Variants in MPPED2 observed in about 807,000 individuals in gnomAD.
MPPED2 encodes the protein metallophosphoesterase domain containing 2, also known as metallophosphoesterase MPPED2.
In MPPED2, 5 loss-of-function variants were observed where a neutral mutation model predicts 33.0. That is an observed-to-expected ratio of 0.15 (90% CI 0.08 to 0.32). The LOEUF is 0.32. MPPED2 is among the 10% of genes least tolerant of loss of function. MPPED2 has a pLI of 1.00. For synonymous variants in MPPED2, 136 were observed against 141.9 expected (o/e 0.96, Z 0.29); for missense variants, 275 against 372.1 (o/e 0.74, Z 2.15).
chr11:30,537,825 T>C (rs1954894422), intron 2 of MPPED2, among the ~76,000 whole-genome samples: 1 of 152,210 alleles, frequency 6.6e-6, no homozygotes, highest in Admixed American at 6.5e-5. Flanking sequence ...GAAAATTCAC[T>C]AATCCACTGT....
intron 2 of MPPED2, among the ~76,000 whole-genome samples, chr11:30,577,236 C>CTAATTGAA (rs1956970371): frequency 6.6e-6 from 1 of 152,082 alleles, no homozygotes; most frequent in African/African-American, 2.4e-5. Context: ...TGAGCTGAGA[C>CTAATTGAA]TAATTGAATT....
At chr11:30,460,344 G>T (rs1033116660) in intron 4 of MPPED2, among the ~76,000 whole-genome samples, 1 of 152,164 alleles carries the variant, frequency 6.6e-6, no homozygotes, top group South Asian at 2.1e-4. Context: ...ATCAGGCTGG[G>T]CGTGGTAGCT....
At chr11:30,484,478 G>A (rs1452554763) in intron 4 of MPPED2, among the ~76,000 whole-genome samples, 1 of 151,900 alleles carries the variant, frequency 6.6e-6, no homozygotes, top group Non-Finnish European at 1.5e-5. Context: ...GCAGCTCTTT[G>A]CAGAATGCAT....
chr11:30,573,633 C>T (rs911256186), intron 2 of MPPED2, among the ~76,000 whole-genome samples: 1 of 152,088 alleles, frequency 6.6e-6, no homozygotes. Context: ...TAGGCCTAGG[C>T]TAATGTGTGT....
At chr11:30,583,867 G>A (rs1957311617) in intron 1 of MPPED2, among the ~76,000 whole-genome samples, 1 of 152,158 alleles carries the variant, frequency 6.6e-6, no homozygotes, top group Non-Finnish European at 1.5e-5. Context: ...TCCAGACCGA[G>A]CCTGGCGGGA....
chr11:30,420,273 G>T (rs1948553754), intron 4 of MPPED2, among the ~76,000 whole-genome samples: 1 of 152,144 alleles, frequency 6.6e-6, no homozygotes, highest in Admixed American at 6.6e-5. Flanking sequence ...TGCTATTGAT[G>T]GCTTTGAACA....
Position 30,552,737 on chromosome 11 carries a change from C to A in MPPED2, c.129-16562G>T, listed in dbSNP as rs531391508. Among the ~76,000 whole-genome samples, 4 of 152,292 alleles carry A rather than the reference C, an allele frequency of 2.6e-5. No individual in the cohort carries two copies. The East Asian group carries it at 5.8e-4, about 22-fold the overall frequency. On this transcript the variant is annotated intron_variant, in intron 2 of 6. Coordinates refer to ENST00000358117, the MANE Select transcript of MPPED2 (RefSeq NM_001584.3). ...GTTAGTTTTGTCACAATTTTCTTAA[C>A]CATTTCCCTTTGCTATACCCCCCAA...
intron 4 of MPPED2, among the ~76,000 whole-genome samples, chr11:30,488,615 T>C (rs1951840283): frequency 6.6e-6 from 1 of 152,196 alleles, no homozygotes. Context: ...TCGGTTTTGC[T>C]TTCTCCTTTT....
chr11:30,512,875 C>T (rs1387451400), intron 3 of MPPED2, among the ~76,000 whole-genome samples: 12 of 152,030 alleles, frequency 7.9e-5, no homozygotes, highest in Admixed American at 7.9e-4. Flanking sequence ...GTGGTGTACA[C>T]CTGTGATCGC....
intron 2 of MPPED2, among the ~76,000 whole-genome samples, chr11:30,558,791 G>A (rs1345124691): frequency 6.8e-6 from 1 of 147,650 alleles, no homozygotes; most frequent in African/African-American, 2.5e-5. Context: ...TTTTTTTCTG[G>A]CTTGGGAATA....
intron 6 of MPPED2, among the ~76,000 whole-genome samples, chr11:30,397,687 C>CAGT (rs1565032308): frequency 6.6e-6 from 1 of 152,136 alleles, no homozygotes; most frequent in Admixed American, 6.5e-5. Flanking sequence ...CCTGTAAGAT[C>CAGT]AGTACACTTA....
At chr11:30,454,243 C>T (rs1008707128) in intron 4 of MPPED2, among the ~76,000 whole-genome samples, 2 of 152,158 alleles carry the variant, frequency 1.3e-5, no homozygotes, top group African/African-American at 2.4e-5. Context: ...AAATCTAAGC[C>T]TCATTTAACT....
At chr11:30,427,693 G>T (rs1948900423) in intron 4 of MPPED2, among the ~76,000 whole-genome samples, 1 of 152,170 alleles carries the variant, frequency 6.6e-6, no homozygotes, top group African/African-American at 2.4e-5. Context: ...TCGTGTATCA[G>T]TATGAATTCA....
intron 3 of MPPED2, among the ~76,000 whole-genome samples, chr11:30,506,748 T>C (rs1201311988): frequency 1.3e-5 from 2 of 152,238 alleles, no homozygotes; most frequent in African/African-American, 2.4e-5. Flanking sequence ...TTTAAATTCC[T>C]CCCCTCCTTA....
intron 4 of MPPED2, among the ~76,000 whole-genome samples, chr11:30,461,972 A>G (rs1950531654): frequency 6.6e-6 from 1 of 152,214 alleles, no homozygotes; most frequent in South Asian, 2.1e-4. Context: ...TGATCAACTT[A>G]TCAATTGTAA....
intron 3 of MPPED2, among the ~76,000 whole-genome samples, chr11:30,507,161 C>T (rs1240532298): frequency 6.6e-6 from 1 of 152,186 alleles, no homozygotes; most frequent in Non-Finnish European, 1.5e-5. Context: ...AAAACCAAAT[C>T]ATGGGTTCCA....
intron 3 of MPPED2, among the ~76,000 whole-genome samples, chr11:30,498,413 T>C (rs1870359): frequency 0.033 from 5,075 of 151,966 alleles, 286 homozygotes; most frequent in African/African-American, 0.12. Flanking sequence ...GATAAAACCC[T>C]ATCTCTACTA....
chr11:30,509,213 A>C (rs1376635506), intron 3 of MPPED2, among the ~76,000 whole-genome samples: 1 of 152,204 alleles, frequency 6.6e-6, no homozygotes, highest in Non-Finnish European at 1.5e-5. Context: ...AAAGAGGGCA[A>C]AGAAGTTGGC....
chr11:30,548,246 C>G (rs1044272633), intron 2 of MPPED2, among the ~76,000 whole-genome samples: 4 of 151,338 alleles, frequency 2.6e-5, no homozygotes, highest in Non-Finnish European at 5.9e-5. Flanking sequence ...GACGGGGTCT[C>G]TCTCTCTCCC....
Sources: allele counts gnomAD v4.1 joint callset (sites outside exome capture counted in the v4.1 genomes callset), GRCh38; gene constraint gnomAD v4.1.1; transcripts MANE v1.5; gene names NCBI Gene and HGNC (gene_info 2026-07-23, HGNC 2026-07-21).